The following MCC variants were observed in gnomAD, a reference collection of about 807,000 sequenced individuals.
MCC encodes MCC regulator of Wnt signaling pathway.
MCC carries 90 observed loss-of-function variants against 116.2 expected under a neutral mutation model. The observed-to-expected ratio is 0.77, with a 90% CI of 0.65 to 0.92. MCC has a LOEUF of 0.92. Ranked by LOEUF, MCC falls within the 40% of genes least tolerant of loss-of-function variation. MCC has a pLI of 0.00. For missense variants in MCC, 1,516 were observed against 1,312.2 expected, an observed-to-expected ratio of 1.16 and a Z score of -2.40; for synonymous variants, 578 against 510.5, an observed-to-expected ratio of 1.13 and a Z score of -1.78.
At position 113,294,309 on chromosome 5, in the gene MCC, C is replaced by A. The variant is rs749426392; in HGVS notation, c.627+46210G>T. 43 of 1,613,358 alleles carry A rather than the reference C, an allele frequency of 2.7e-5. No homozygotes were observed. In the East Asian group the frequency reaches 8.7e-4, roughly 33 times the overall value. On this transcript the variant is annotated intron_variant, in intron 3 of 18. Coordinates refer to ENST00000408903, the MANE Select transcript of MCC (RefSeq NM_001085377.2). ...CAAACGCCCGAGAAACCCTAGCTCC[C>A]GACCTCAGCTGTTTCTTACCTCACT... is the stretch of plus-strand genomic sequence containing the variant.
At chr5:113,341,258 C>T (rs935883973) in intron 2 of MCC, among the ~76,000 whole-genome samples, 4 of 151,340 alleles carry the variant, frequency 2.6e-5, no homozygotes, top group African/African-American at 7.3e-5. Flanking sequence ...GAGGCAGGGT[C>T]TTGTTCTGTC....
chr5:113,042,383 G>A (rs546298362), intron 17 of MCC, among the ~76,000 whole-genome samples: 68 of 148,910 alleles, frequency 4.6e-4, no homozygotes, highest in Middle Eastern at 3.5e-3. Flanking sequence ...GCTGGGGTGG[G>A]AGGATCACTT....
intron 3 of MCC, among the ~76,000 whole-genome samples, chr5:113,234,952 G>A (rs977954389): frequency 6.6e-6 from 1 of 152,136 alleles, no homozygotes; most frequent in South Asian, 2.1e-4. Context: ...TCTTGAGTTC[G>A]CTGCCAGAAA....
intron 6 of MCC, among the ~76,000 whole-genome samples, chr5:113,107,038 G>A (rs907889020): frequency 1.3e-5 from 2 of 151,912 alleles, no homozygotes; most frequent in Admixed American, 6.6e-5. Flanking sequence ...TCTACTAAAC[G>A]TAAGTTCCAG....
In MCC at chr5:113,429,634, G is replaced by A. The variant is rs191921485; in HGVS notation, c.171-44422C>T. On this transcript the variant is annotated intron_variant, in intron 1 of 18. Transcript: ENST00000408903. ...CCTTTTTCCCCCTCATTCAGTGTTAGTGCCTTTGACTCAAGAGTGGTACAC... is the reference window on the plus strand; with the variant it reads ...CCTTTTTCCCCCTCATTCAGTGTTAATGCCTTTGACTCAAGAGTGGTACAC... Among the ~76,000 whole-genome samples, 259 of 152,032 alleles carry A rather than the reference G, an allele frequency of 1.7e-3. 1 individual carries two copies. The highest frequency in any genetic ancestry group is 6.0e-3 in the African/African-American group (248 of 41,444).
intron 2 of MCC, among the ~76,000 whole-genome samples, chr5:113,366,371 C>G (rs1377309817): frequency 6.6e-6 from 1 of 151,796 alleles, no homozygotes; most frequent in African/African-American, 2.4e-5. Context: ...TCTTTATATA[C>G]TAAGTAATTG....
intron 1 of MCC, among the ~76,000 whole-genome samples, chr5:113,418,676 T>A (rs1244280675): frequency 7.0e-6 from 1 of 142,222 alleles, no homozygotes; most frequent in Non-Finnish European, 1.5e-5. Flanking sequence ...AGTGGCAAAA[T>A]CTTCATCATT....
At chr5:113,141,896 A>C (rs953022113) in intron 5 of MCC, among the ~76,000 whole-genome samples, 2 of 152,170 alleles carry the variant, frequency 1.3e-5, no homozygotes, top group African/African-American at 4.8e-5. Context: ...CAAGTGTTTA[A>C]AAGTGCATAA....
chr5:113,307,182 C>A (rs893585899), intron 3 of MCC, among the ~76,000 whole-genome samples: 20 of 152,108 alleles, frequency 1.3e-4, no homozygotes, highest in Non-Finnish European at 2.6e-4. Flanking sequence ...TGTTATTGTG[C>A]CAAGTAGACA....
At chr5:113,168,997 G>T (rs1044411147) in intron 3 of MCC, among the ~76,000 whole-genome samples, 1 of 152,124 alleles carries the variant, frequency 6.6e-6, no homozygotes, top group Non-Finnish European at 1.5e-5. Context: ...TAAGCAAACG[G>T]CTTTAAGACA....
chr5:113,281,409 C>A (rs112071362), intron 3 of MCC, among the ~76,000 whole-genome samples: 3,112 of 152,300 alleles, frequency 0.02, 34 homozygotes, highest in Middle Eastern at 0.027. Context: ...AAAGAATGGT[C>A]ATGCACCACA....
chr5:113,433,661 G>A, intron 1 of MCC: 1 of 1,505,142 alleles, frequency 6.6e-7, no homozygotes, highest in Non-Finnish European at 8.9e-7. Context: ...TTCCTTCTCT[G>A]GCTCCACCCT....
At chr5:113,438,503 GC>G (rs1770932617) in intron 1 of MCC, among the ~76,000 whole-genome samples, 1 of 152,136 alleles carries the variant, frequency 6.6e-6, no homozygotes, top group African/African-American at 2.4e-5. Context: ...AAAAAGGTAT[GC>G]AAAATAGGTA....
At chr5:113,248,730 G>A (rs149877895) in intron 3 of MCC, among the ~76,000 whole-genome samples, 78 of 152,134 alleles carry the variant, frequency 5.1e-4, no homozygotes, top group African/African-American at 1.5e-3. Context: ...CCATGTTAAC[G>A]GTAGGGTTTT....
At chr5:113,337,043 C>T (rs189975551) in intron 3 of MCC, among the ~76,000 whole-genome samples, 11 of 152,340 alleles carry the variant, frequency 7.2e-5, no homozygotes, top group African/African-American at 2.4e-4. Context: ...ACCATGTAAA[C>T]ATTTCTCCTT....
intron 3 of MCC, among the ~76,000 whole-genome samples, chr5:113,266,246 C>T (rs1285348815): frequency 6.6e-6 from 1 of 151,880 alleles, no homozygotes; most frequent in Non-Finnish European, 1.5e-5. Flanking sequence ...TCTACACACA[C>T]ACACACACAC....
intron 15 of MCC, among the ~76,000 whole-genome samples, chr5:113,051,809 T>C (rs1416877656): frequency 6.6e-6 from 1 of 152,080 alleles, no homozygotes; most frequent in Non-Finnish European, 1.5e-5. Flanking sequence ...AATGAAAAGG[T>C]ATTACAAAAA....
intron 8 of MCC, among the ~76,000 whole-genome samples, chr5:113,087,887 C>T (rs1755314668): frequency 6.6e-6 from 1 of 151,722 alleles, no homozygotes; most frequent in African/African-American, 2.4e-5. Flanking sequence ...TTCTTCTAAT[C>T]ACAAAAGTAA....
intron 1 of MCC, among the ~76,000 whole-genome samples, chr5:113,431,646 C>T (rs1397197981): frequency 6.6e-6 from 1 of 151,904 alleles, no homozygotes; most frequent in African/African-American, 2.4e-5. Context: ...CCTGCTCCTG[C>T]AACAGGCCAT....
Sources: allele counts gnomAD v4.1 joint callset (sites outside exome capture counted in the v4.1 genomes callset), GRCh38; gene constraint gnomAD v4.1.1; transcripts MANE v1.5; gene names NCBI Gene and HGNC (gene_info 2026-07-23, HGNC 2026-07-21).